The following SNX18 variants were observed in gnomAD, a reference collection of about 807,000 sequenced individuals.
SNX18 encodes sorting nexin-18.
A neutral mutation model predicts 48.7 loss-of-function variants in SNX18; 35 were observed. The ratio of observed to expected loss-of-function variants is 0.72; its 90% CI spans 0.55 to 0.95. SNX18 has a LOEUF of 0.95. Ranked by LOEUF, SNX18 falls within the 40% of genes least tolerant of loss-of-function variation. The pLI is 0.00. For synonymous variants in SNX18, 492 were observed against 384.7 expected, an observed-to-expected ratio of 1.28 and a Z score of -3.26; for missense variants, 824 against 871.0, an observed-to-expected ratio of 0.95 and a Z score of 0.68.
the SNX18 span, among the ~76,000 whole-genome samples, chr5:54,623,367 T>C: frequency 6.6e-6 from 1 of 152,140 alleles, no homozygotes; most frequent in African/African-American, 2.4e-5. Flanking sequence ...CAGGAGCCTT[T>C]TCACGAGTGT....
At chr5:54,585,847 CA>C in the SNX18 span, among the ~76,000 whole-genome samples, 1 of 149,986 alleles carries the variant, frequency 6.7e-6, no homozygotes, top group East Asian at 2.0e-4. Context: ...ACTAAAAATA[CA>C]AAAAAAAATA....
intron 1 of SNX18, among the ~76,000 whole-genome samples, chr5:54,524,020 C>T (rs1762081304): frequency 6.6e-6 from 1 of 152,144 alleles, no homozygotes; most frequent in Admixed American, 6.5e-5. Flanking sequence ...TGAGGCTGTT[C>T]ATTCTTTTTG....
chr5:54,626,166 A>C, the SNX18 span, among the ~76,000 whole-genome samples: 149 of 152,366 alleles, frequency 9.8e-4, 1 homozygote, highest in African/African-American at 3.4e-3. Flanking sequence ...GATACAGTAT[A>C]ATAAAGATAT....
At chr5:54,607,255 G>A in the SNX18 span, among the ~76,000 whole-genome samples, 1 of 152,044 alleles carries the variant, frequency 6.6e-6, no homozygotes, top group African/African-American at 2.4e-5. Flanking sequence ...AACCATGTGG[G>A]CCCCCGCCTG....
At chr5:54,614,823 T>C in the SNX18 span, among the ~76,000 whole-genome samples, 1 of 152,128 alleles carries the variant, frequency 6.6e-6, no homozygotes, top group Admixed American at 6.6e-5. Context: ...TTAAAAGACA[T>C]AGACACTAAA....
At chr5:54,585,125 C>T in the SNX18 span, among the ~76,000 whole-genome samples, 1 of 151,668 alleles carries the variant, frequency 6.6e-6, no homozygotes, top group African/African-American at 2.4e-5. Flanking sequence ...GATCCCATCT[C>T]TACAATAAAT....
intron 1 of SNX18, among the ~76,000 whole-genome samples, chr5:54,530,155 T>C (rs754701785): frequency 1.3e-5 from 2 of 152,224 alleles, no homozygotes; most frequent in Non-Finnish European, 1.5e-5. Flanking sequence ...TGTCTGTCTC[T>C]GTGCCTTCTC....
intron 1 of SNX18, among the ~76,000 whole-genome samples, chr5:54,528,415 C>G (rs1277564136): frequency 6.6e-6 from 1 of 152,104 alleles, no homozygotes; most frequent in Non-Finnish European, 1.5e-5. Context: ...GCGAATAAGA[C>G]AGTGCATGGG....
At chr5:54,628,846 G>T in the SNX18 span, among the ~76,000 whole-genome samples, 14 of 152,178 alleles carry the variant, frequency 9.2e-5, no homozygotes, top group African/African-American at 3.4e-4. Flanking sequence ...CTTTCTGCCT[G>T]TCCTTCTGAT....
intron 1 of SNX18, among the ~76,000 whole-genome samples, chr5:54,537,169 TTTAAA>T (rs1001132162): frequency 2.6e-5 from 4 of 152,116 alleles, no homozygotes; most frequent in Admixed American, 6.5e-5. Flanking sequence ...GTCTCTACAG[TTTAAA>T]TTAAATAAAG....
At chr5:54,548,136 C>G (rs1467923741), downstream of SNX18, among the ~76,000 whole-genome samples, 1 of 152,166 alleles carries the variant, frequency 6.6e-6, no homozygotes, top group Admixed American at 6.5e-5. Flanking sequence ...CCCAGGATGT[C>G]TCAATCCTAA....
At chr5:54,579,340 T>TAAA in the SNX18 span, among the ~76,000 whole-genome samples, 47 of 147,478 alleles carry the variant, frequency 3.2e-4, no homozygotes, top group African/African-American at 1.1e-3. Context: ...CAGACCCTGT[T>TAAA]AAAAAAAAAA....
chr5:54,641,802 T>C, the SNX18 span, among the ~76,000 whole-genome samples: 2 of 152,224 alleles, frequency 1.3e-5, no homozygotes, highest in African/African-American at 2.4e-5. Flanking sequence ...TGTGTATGTA[T>C]GCGTGTGCGG....
At chr5:54,631,985 C>A in the SNX18 span, among the ~76,000 whole-genome samples, 1 of 152,172 alleles carries the variant, frequency 6.6e-6, no homozygotes, top group Non-Finnish European at 1.5e-5. Flanking sequence ...GTACTCCCAC[C>A]CCCTGCACCT....
At chr5:54,647,950 G>A in the SNX18 span, among the ~76,000 whole-genome samples, 1 of 151,686 alleles carries the variant, frequency 6.6e-6, no homozygotes, top group African/African-American at 2.4e-5. Flanking sequence ...TTAGGAACCC[G>A]AAGGAATGCT....
chr5:54,539,680 C>CT (rs2111591802), intron 1 of SNX18, among the ~76,000 whole-genome samples: 1 of 152,250 alleles, frequency 6.6e-6, no homozygotes, highest in African/African-American at 2.4e-5. Flanking sequence ...TATCAGTGTG[C>CT]TCTATACATG....
At chr5:54,565,248 C>T in the SNX18 span, among the ~76,000 whole-genome samples, 8 of 152,284 alleles carry the variant, frequency 5.3e-5, no homozygotes, top group African/African-American at 1.9e-4. Flanking sequence ...TTTGGGGGAC[C>T]ATTATTCTGC....
the SNX18 span, among the ~76,000 whole-genome samples, chr5:54,567,179 G>A: frequency 3.2e-4 from 48 of 152,162 alleles, no homozygotes; most frequent in African/African-American, 1.0e-3. Flanking sequence ...TAGCCATTTA[G>A]AGCAGAGACA....
the SNX18 span, among the ~76,000 whole-genome samples, chr5:54,616,874 AGATGCAAG>A: frequency 6.6e-6 from 1 of 152,204 alleles, no homozygotes; most frequent in African/African-American, 2.4e-5. Context: ...GCCTAAACTC[AGATGCAAG>A]GTAACTGTGG....
Sources: allele counts gnomAD v4.1 joint callset (sites outside exome capture counted in the v4.1 genomes callset), GRCh38; gene constraint gnomAD v4.1.1; transcripts MANE v1.5; gene names NCBI Gene and HGNC (gene_info 2026-07-23, HGNC 2026-07-21).